The following SLC6A15 variants were observed in gnomAD, a reference collection of about 807,000 sequenced individuals.
SLC6A15 encodes sodium-dependent neutral amino acid transporter B(0)AT2.
A neutral mutation model predicts 68.5 loss-of-function variants in SLC6A15; 33 were observed. That is an observed-to-expected ratio of 0.48 (90% confidence interval 0.37 to 0.64). The LOEUF is 0.64. Among genes scored for constraint, SLC6A15 ranks in the 30% least tolerant of loss-of-function variants. The probability of loss-of-function intolerance (pLI) is 0.00; values close to 1 mark genes in which losing one functional copy is unlikely to be tolerated. For synonymous variants in SLC6A15, 347 were observed against 301.0 expected, an observed-to-expected ratio of 1.15 and a Z score of -1.58; for missense variants, 747 against 874.3, an observed-to-expected ratio of 0.85 and a Z score of 1.84.
At chr12:84,868,317 TCTTA>T (rs1565720400) in intron 9 of SLC6A15, among the ~76,000 whole-genome samples, 4 of 152,226 alleles carry the variant, frequency 2.6e-5, no homozygotes, top group African/African-American at 4.8e-5. Flanking sequence ...TATTGCATTC[TCTTA>T]CTTAATTTTT....
chr12:84,874,034 C>T (rs1871406605), intron 6 of SLC6A15, among the ~76,000 whole-genome samples: 1 of 152,144 alleles, frequency 6.6e-6, no homozygotes, highest in Non-Finnish European at 1.5e-5. Flanking sequence ...TGAAACAATT[C>T]AGATCAGCCA....
intron 5 of SLC6A15, chr12:84,882,955 G>C (rs543269559): frequency 1.1e-6 from 1 of 870,046 alleles, no homozygotes. Flanking sequence ...TATTGCTGCT[G>C]CTACTACTAC....
chr12:84,887,392 T>G (rs922973112), intron 2 of SLC6A15, among the ~76,000 whole-genome samples: 3 of 152,192 alleles, frequency 2.0e-5, no homozygotes, highest in Admixed American at 6.5e-5. Context: ...TTTTTTCAAA[T>G]TATTTATCTC....
At chr12:84,871,133 T>TTATA (rs527535085) in intron 8 of SLC6A15, among the ~76,000 whole-genome samples, 7 of 150,380 alleles carry the variant, frequency 4.7e-5, no homozygotes, top group African/African-American at 1.5e-4. Flanking sequence ...TCAATTGTTG[T>TTATA]TATATATATA....
chr12:84,882,541 T>A (rs1312803981), intron 5 of SLC6A15: 1 of 812,724 alleles, frequency 1.2e-6, no homozygotes, highest in African/African-American at 1.9e-5. Context: ...GAAGCAAAGA[T>A]GAATTAGACA....
chr12:84,890,874 T>C (rs79477780), intron 2 of SLC6A15, among the ~76,000 whole-genome samples: 7,196 of 152,310 alleles, frequency 0.047, 233 homozygotes, highest in Middle Eastern at 0.14. Flanking sequence ...ATTCTTTATA[T>C]ACTTTGTGTC....
intron 10 of SLC6A15, among the ~76,000 whole-genome samples, chr12:84,865,435 A>G (rs1423107674): frequency 6.6e-6 from 1 of 152,204 alleles, no homozygotes; most frequent in Non-Finnish European, 1.5e-5. Context: ...GTTGGTTACA[A>G]TTGATGAACC....
chr12:84,896,156 T>G (rs1872630300), intron 1 of SLC6A15, among the ~76,000 whole-genome samples: 1 of 152,166 alleles, frequency 6.6e-6, no homozygotes, highest in South Asian at 2.1e-4. Flanking sequence ...TCACTGCACT[T>G]CATCTGCACC....
At chr12:84,872,885 G>A (rs1871351232) in intron 7 of SLC6A15, 91 bp from the exon 8 acceptor site, 10 of 1,212,266 alleles carry the variant, frequency 8.2e-6, no homozygotes, top group East Asian at 7.4e-5. Flanking sequence ...TAATGAATGA[G>A]CAATGTTCCC....
chr12:84,880,996 T>C (rs1592601045), intron 5 of SLC6A15: 1 of 383,056 alleles, frequency 2.6e-6, no homozygotes, highest in East Asian at 1.6e-4. Flanking sequence ...TTGTCAACTT[T>C]GCAGTAAAAT....
intron 1 of SLC6A15, among the ~76,000 whole-genome samples, chr12:84,906,916 G>C (rs1318188681): frequency 6.6e-6 from 1 of 151,790 alleles, no homozygotes; most frequent in African/African-American, 2.4e-5. Flanking sequence ...CACAAAAATT[G>C]ATAAACTAGG....
At chr12:84,868,025 T>G (rs183565795) in intron 9 of SLC6A15, among the ~76,000 whole-genome samples, 109 of 152,266 alleles carry the variant, frequency 7.2e-4, no homozygotes, top group African/African-American at 2.5e-3. Context: ...CTCAACCACA[T>G]TTCGGCAGAG....
At chr12:84,903,566 C>T (rs1350634089) in intron 1 of SLC6A15, among the ~76,000 whole-genome samples, 2 of 152,064 alleles carry the variant, frequency 1.3e-5, no homozygotes, top group African/African-American at 4.8e-5. Flanking sequence ...GGTATTTTCT[C>T]GGGAGGCTCT....
At chr12:84,881,439 C>G in intron 5 of SLC6A15, 2 of 985,100 alleles carry the variant, frequency 2.0e-6, no homozygotes, top group Non-Finnish European at 1.2e-6. Context: ...AGACTTTGAT[C>G]ACTGAGCTGA....
At chr12:84,883,534 T>C (rs1871928262) in intron 5 of SLC6A15, 3 of 1,297,594 alleles carry the variant, frequency 2.3e-6, no homozygotes, top group Non-Finnish European at 2.9e-6. Flanking sequence ...ATTTAACTAA[T>C]TGGTAATTAG....
At chr12:84,864,321 T>C (rs1419814888) in intron 10 of SLC6A15, among the ~76,000 whole-genome samples, 1 of 131,170 alleles carries the variant, frequency 7.6e-6, no homozygotes, top group Non-Finnish European at 1.6e-5. Flanking sequence ...TCTTTCTTTC[T>C]TTTTTTTTTT....
chr12:84,885,311 G>T, intron 4 of SLC6A15, 124 bp downstream of exon 4: 1 of 937,470 alleles, frequency 1.1e-6, no homozygotes, highest in Non-Finnish European at 1.5e-6. Flanking sequence ...AGCAAAGTCT[G>T]TTATAATGAT....
chr12:84,862,109 C>T (rs1870879868), intron 11 of SLC6A15, 103 bp from the exon 12 acceptor site: 3 of 1,221,016 alleles, frequency 2.5e-6, no homozygotes, highest in Non-Finnish European at 3.4e-6. Flanking sequence ...TCTGGGCTGG[C>T]TTTGTGACTT....
chr12:84,873,435 C>T (rs926470630), intron 6 of SLC6A15, 107 bp from the exon 7 acceptor site: 11 of 1,261,294 alleles, frequency 8.7e-6, no homozygotes, highest in Admixed American at 2.4e-5. Context: ...TTTATGCATC[C>T]AAAGTTTATT....
Sources: allele counts gnomAD v4.1 joint callset (sites outside exome capture counted in the v4.1 genomes callset), GRCh38; gene constraint gnomAD v4.1.1; transcripts MANE v1.5; gene names NCBI Gene and HGNC (gene_info 2026-07-23, HGNC 2026-07-21).